Variants in POR observed in about 807,000 individuals in gnomAD.
POR encodes the protein NADPH--cytochrome P450 reductase.
In POR, 56 loss-of-function variants were observed where a neutral mutation model predicts 84.0. That is an observed-to-expected ratio of 0.67 (90% CI 0.54 to 0.83). POR has a LOEUF of 0.83. POR is among the 40% of genes least tolerant of loss of function. The pLI is 0.00. For missense variants in POR, 938 were observed against 944.3 expected (o/e 0.99, Z 0.09); for synonymous variants, 414 against 400.5 (o/e 1.03, Z -0.40).
chr7:75,967,840 T>G (rs782476011), intron 2 of POR: 1 of 345,824 alleles, frequency 2.9e-6, no homozygotes, highest in Non-Finnish European at 5.8e-6. Flanking sequence ...CTGCTGGGGC[T>G]CCAGATGTTG....
intron 3 of POR, among the ~76,000 whole-genome samples, chr7:75,976,822 A>C (rs1413868896): frequency 6.6e-6 from 1 of 152,084 alleles, no homozygotes; most frequent in Non-Finnish European, 1.5e-5. Context: ...AAGTATAAGA[A>C]CATTTATTGT....
At chr7:75,946,318 A>G (rs1030161009) in intron 1 of POR, among the ~76,000 whole-genome samples, 6 of 151,592 alleles carry the variant, frequency 4.0e-5, no homozygotes. Flanking sequence ...ACAGGACCTC[A>G]CTCTGTTGCC....
rs1199443326 is a variant in POR, at chr7:75,954,108, G to A, written c.116G>A (p.Gly39Asp). The A allele has an allele frequency of 6.2e-7, 1 of 1,613,286 alleles. No individual in the cohort carries two copies. The highest frequency in any genetic ancestry group is 2.2e-5 in the East Asian group (1 of 44,886). Residue 39 changes from glycine (G) to aspartate (D), a missense_variant, in exon 2 of 16, where the codon GGT becomes GAT. By Grantham distance (94) the Gly-to-Asp change is moderately conservative. Transcript: ENST00000461988. ...ATGATTCTGTTTTCGCTCATCGTGG[G>A]TCTCCTAACCTACTGGTTCCTCTTC... is the stretch of plus-strand genomic sequence containing the variant.
At chr7:75,917,638 T>G (rs1205599964) in intron 1 of POR, among the ~76,000 whole-genome samples, 1 of 150,902 alleles carries the variant, frequency 6.6e-6, no homozygotes, top group Non-Finnish European at 1.5e-5. Context: ...ATGACAATTT[T>G]CTTTTCTTTT....
chr7:75,956,779 G>A (rs1787705649), intron 2 of POR, among the ~76,000 whole-genome samples: 1 of 151,826 alleles, frequency 6.6e-6, no homozygotes, highest in Admixed American at 6.6e-5. Context: ...AGGCTGGAGT[G>A]CAGTGGTGCA....
Position 75,986,700 on chromosome 7 carries a change from G to T in POR, c.*219G>T, listed in dbSNP as rs557751714. The T allele has an allele frequency of 2.9e-4, 179 of 621,988 alleles. No homozygotes were observed. Among genetic ancestry groups the T allele is most frequent in the African/African-American group, 7.0e-4 (38 of 54,374 alleles). The allele number at this position is 621,988 out of a possible 1,614,324, so 38.5% of individuals were successfully genotyped here. On this transcript the variant is annotated 3_prime_UTR_variant, in exon 16 of 16. Coordinates refer to ENST00000461988, the MANE Select transcript of POR (RefSeq NM_000941.3). ...AGCCCAGGGCCTGCATGGGGGCACC[G>T]GGCTCCATGCCTCTGGAGGCCTCTG...
Position 75,986,521 on chromosome 7 carries a change from T to TAATC in POR, c.*42_*45dup, listed in dbSNP as rs782171237. 1.5e-5 allele frequency: 24 copies of TAATC among 1,592,258 alleles called. No individual in the cohort carries two copies. The African/African-American group carries it at 2.8e-4, about 19-fold the overall frequency. ...CACCCACCCCACAGACTCCGGCCTG[T>TAATC]AATCAGCTCTCCTGGCTCCCTCCCG... On this transcript the variant is annotated 3_prime_UTR_variant, in exon 16 of 16. Coordinates refer to ENST00000461988, the MANE Select transcript of POR (RefSeq NM_000941.3).
Position 75,959,375 on chromosome 7 carries a change from G to A in POR, c.188+5195G>A, listed in dbSNP as rs542203363. 5.9e-5 allele frequency among the ~76,000 whole-genome samples: 9 copies of A among 152,264 alleles called. No homozygotes were observed. In the South Asian group the frequency reaches 1.7e-3, roughly 28 times the overall value. On this transcript the variant is annotated intron_variant, in intron 2 of 15. Coordinates refer to ENST00000461988, the MANE Select transcript of POR (RefSeq NM_000941.3). ...GCCACAGAGCAGTAGGGAGTAATAGGGCTTAGTGTGAGGAAGGTATGTGGC... is the reference window on the plus strand; with the variant it reads ...GCCACAGAGCAGTAGGGAGTAATAGAGCTTAGTGTGAGGAAGGTATGTGGC...
chr7:75,952,681 A>C (rs1787496669), intron 1 of POR, among the ~76,000 whole-genome samples: 1 of 144,500 alleles, frequency 6.9e-6, no homozygotes. Context: ...CACATCCCAG[A>C]CGGGGCGGCG....
Position 75,984,788 on chromosome 7 carries a change from A to G in POR, c.1078A>G (p.Lys360Glu), listed in dbSNP as rs1563433884. 6.2e-7 allele frequency: 1 copy of G among 1,612,348 alleles called. No homozygotes were observed. Among genetic ancestry groups the G allele is most frequent in the Non-Finnish European group, 8.5e-7 (1 of 1,179,748 alleles). The change falls in exon 11 of 16, where the codon AAG (lysine) becomes GAG (glutamate). Residue 360 changes from lysine to glutamate, a missense_variant. Transcript: ENST00000461988. ...TCTCTTCCCTGCAGAGGAGTCCAAC[A>G]AGAAGCACCCATTCCCGTGCCCTAC...
At chr7:75,939,119 T>G (rs1807839588) in intron 1 of POR, among the ~76,000 whole-genome samples, 1 of 152,236 alleles carries the variant, frequency 6.6e-6, no homozygotes, top group Non-Finnish European at 1.5e-5. Flanking sequence ...AAGGTTGGCA[T>G]GTCTGCTCCT....
At chr7:75,955,922 T>G (rs1336866603) in intron 2 of POR, among the ~76,000 whole-genome samples, 1 of 152,200 alleles carries the variant, frequency 6.6e-6, no homozygotes, top group Non-Finnish European at 1.5e-5. Flanking sequence ...CCAGAACACT[T>G]ACAGCCTTCA....
At chr7:75,932,573 G>A (rs371558351) in intron 1 of POR, among the ~76,000 whole-genome samples, 1 of 149,290 alleles carries the variant, frequency 6.7e-6, no homozygotes, top group African/African-American at 2.6e-5. Flanking sequence ...TTTAAAAACA[G>A]TTTTAATTTT....
At chr7:75,979,396 C>T (rs1788876726) in intron 3 of POR, 55 bp from the exon 4 acceptor site, 18 of 1,590,184 alleles carry the variant, frequency 1.1e-5, no homozygotes, top group South Asian at 4.5e-5. Flanking sequence ...GGGTGTTCAC[C>T]GGAGCCGTGG....
chr7:75,936,825 T>TAA (rs1380156378), intron 1 of POR, among the ~76,000 whole-genome samples: 2 of 86,762 alleles, frequency 2.3e-5, no homozygotes, highest in African/African-American at 2.1e-4. Context: ...TATTATTAAT[T>TAA]TTTTTTTTTT....
chr7:75,924,715 C>G (rs527964773), intron 1 of POR, among the ~76,000 whole-genome samples: 1 of 151,786 alleles, frequency 6.6e-6, no homozygotes, highest in African/African-American at 2.4e-5. Flanking sequence ...TCAAAATATA[C>G]AGTAATAAAT....
intron 1 of POR, among the ~76,000 whole-genome samples, chr7:75,927,877 G>T (rs149651662): frequency 6.6e-6 from 1 of 151,484 alleles, no homozygotes; most frequent in East Asian, 1.9e-4. Context: ...CACCATGTTG[G>T]CTAGACTGGT....
At position 75,919,713 on chromosome 7, in the gene POR, C is replaced by A. The variant is rs577731900; in HGVS notation, c.-5+4534C>A. Among the ~76,000 whole-genome samples, 8 of 152,134 alleles carry A rather than the reference C, an allele frequency of 5.3e-5. 1 individual carries two copies. The South Asian group carries it at 8.3e-4, about 16-fold the overall frequency. On this transcript the variant is annotated intron_variant, in intron 1 of 15. Coordinates refer to ENST00000461988, the MANE Select transcript of POR (RefSeq NM_000941.3). ...AGCCCAGTAACTGTTACTCCTGACG[C>A]TGGTCGGTGTGGCAACTCAGTTGAT...
At chr7:75,965,063 G>A (rs990079941) in intron 2 of POR, among the ~76,000 whole-genome samples, 1 of 152,102 alleles carries the variant, frequency 6.6e-6, no homozygotes, top group Non-Finnish European at 1.5e-5. Flanking sequence ...TGTGGATGAC[G>A]CTAACAGGGA....
Sources: allele counts gnomAD v4.1 joint callset (sites outside exome capture counted in the v4.1 genomes callset), GRCh38; gene constraint gnomAD v4.1.1; transcripts MANE v1.5; gene names NCBI Gene and HGNC (gene_info 2026-07-23, HGNC 2026-07-21).